PDE4B: variants seen among roughly 807,000 people sequenced by gnomAD.
PDE4B encodes 3',5'-cyclic-AMP phosphodiesterase 4B.
PDE4B carries 20 observed loss-of-function variants against 82.2 expected under a neutral mutation model. The observed-to-expected ratio is 0.24, with a 90% CI of 0.17 to 0.35. The LOEUF (loss-of-function observed/expected upper bound fraction) is 0.35, where lower values mean the gene tolerates loss of function less well. PDE4B is among the 10% of genes least tolerant of loss of function. The probability of loss-of-function intolerance (pLI) is 1.00; values close to 1 mark genes in which losing one functional copy is unlikely to be tolerated. For missense variants in PDE4B, 655 were observed against 907.2 expected, an observed-to-expected ratio of 0.72 and a Z score of 3.57; for synonymous variants, 320 against 318.9, an observed-to-expected ratio of 1.00 and a Z score of -0.04.
At chr1:66,107,620 A>G (rs1262176298) in intron 3 of PDE4B, among the ~76,000 whole-genome samples, 1 of 152,030 alleles carries the variant, frequency 6.6e-6, no homozygotes, top group African/African-American at 2.4e-5. Context: ...CAGAAATAAC[A>G]TATTGTTATG....
chr1:66,068,279 G>C (rs569053178), intron 3 of PDE4B, among the ~76,000 whole-genome samples: 1 of 151,986 alleles, frequency 6.6e-6, no homozygotes, highest in Admixed American at 6.6e-5. Flanking sequence ...CAGGGATACA[G>C]AGAAAGAGTC....
intron 7 of PDE4B, among the ~76,000 whole-genome samples, chr1:66,276,435 T>C (rs918933862): frequency 6.6e-6 from 1 of 152,206 alleles, no homozygotes; most frequent in Non-Finnish European, 1.5e-5. Flanking sequence ...CATCCCACTG[T>C]AAACCTCAGA....
In PDE4B at chr1:65,923,790, T is replaced by C. The variant is rs150827909; in HGVS notation, c.281+4955T>C. On this transcript the variant is annotated intron_variant, in intron 3 of 16. Coordinates refer to ENST00000341517, the MANE Select transcript of PDE4B (RefSeq NM_002600.4). ...TCTCTGGATTTGGGCAGTTGAACTTTGATGTGCCTAAGGATGGATTTCCTT... is the reference window on the plus strand; with the variant it reads ...TCTCTGGATTTGGGCAGTTGAACTTCGATGTGCCTAAGGATGGATTTCCTT... Among the ~76,000 whole-genome samples, 576 of 152,288 alleles carry C rather than the reference T, an allele frequency of 3.8e-3. 23 individuals are homozygous for C. Among genetic ancestry groups the C allele is most frequent in the Non-Finnish European group, 3.5e-4 (24 of 68,020 alleles).
At chr1:66,326,243 G>A (rs184484184) in intron 7 of PDE4B, among the ~76,000 whole-genome samples, 76 of 152,282 alleles carry the variant, frequency 5.0e-4, no homozygotes, top group Admixed American at 1.6e-3. Flanking sequence ...TGGACAACCA[G>A]AAAGACAGCA....
chr1:65,848,192 G>A (rs1646288301), intron 1 of PDE4B, among the ~76,000 whole-genome samples: 1 of 151,292 alleles, frequency 6.6e-6, no homozygotes, highest in South Asian at 2.1e-4. Context: ...AGGATGATGT[G>A]CAGTGGCGTG....
chr1:65,942,790 T>C (rs551629604), intron 3 of PDE4B, among the ~76,000 whole-genome samples: 4 of 152,200 alleles, frequency 2.6e-5, no homozygotes, highest in Non-Finnish European at 5.9e-5. Flanking sequence ...TGTTGAACGT[T>C]TTTTCATATA....
At chr1:66,241,385 C>A (rs1281954990) in intron 3 of PDE4B, among the ~76,000 whole-genome samples, 1 of 152,122 alleles carries the variant, frequency 6.6e-6, no homozygotes, top group Admixed American at 6.5e-5. Flanking sequence ...ACTTCTCTGT[C>A]TATAGGGATC....
intron 3 of PDE4B, among the ~76,000 whole-genome samples, chr1:65,997,183 C>A (rs1202340956): frequency 7.7e-6 from 1 of 129,146 alleles, no homozygotes; most frequent in African/African-American, 2.9e-5. Flanking sequence ...CATTGCTGCT[C>A]CTTTTTGGAG....
At chr1:66,087,374 A>T (rs1204359174) in intron 3 of PDE4B, among the ~76,000 whole-genome samples, 3 of 152,006 alleles carry the variant, frequency 2.0e-5, no homozygotes, top group Non-Finnish European at 4.4e-5. Context: ...GTTTGAGTTC[A>T]TTGTAGATTC....
chr1:65,867,141 A>G (rs963916275), intron 1 of PDE4B, among the ~76,000 whole-genome samples: 1 of 152,194 alleles, frequency 6.6e-6, no homozygotes, highest in African/African-American at 2.4e-5. Context: ...ACATTATAGT[A>G]TTCTCTTTAG....
chr1:66,241,058 C>G (rs72924449), intron 3 of PDE4B, among the ~76,000 whole-genome samples: 2,645 of 152,292 alleles, frequency 0.017, 73 homozygotes, highest in African/African-American at 0.06. Flanking sequence ...TTCAAAGGCC[C>G]TGGAAGAAGA....
chr1:66,316,216 C>T (rs1659018255), intron 7 of PDE4B, among the ~76,000 whole-genome samples: 1 of 152,196 alleles, frequency 6.6e-6, no homozygotes, highest in Admixed American at 6.5e-5. Context: ...TATGTTTCTG[C>T]AACGAACTTT....
At chr1:65,957,038 T>C (rs2100586364) in intron 3 of PDE4B, among the ~76,000 whole-genome samples, 1 of 152,266 alleles carries the variant, frequency 6.6e-6, no homozygotes, top group African/African-American at 2.4e-5. Flanking sequence ...TTTTATTTTC[T>C]GTGACATCTC....
intron 3 of PDE4B, among the ~76,000 whole-genome samples, chr1:66,110,595 A>C (rs992835083): frequency 1.3e-5 from 2 of 152,082 alleles, no homozygotes; most frequent in African/African-American, 4.8e-5. Flanking sequence ...ATAGATTCTG[A>C]AATTTAACCA....
intron 3 of PDE4B, among the ~76,000 whole-genome samples, chr1:65,942,821 C>G (rs1481762710): frequency 6.6e-6 from 1 of 151,814 alleles, no homozygotes; most frequent in Admixed American, 6.6e-5. Context: ...ATTTGTGTTT[C>G]TTCTTTTGAG....
intron 3 of PDE4B, among the ~76,000 whole-genome samples, chr1:66,025,637 G>A (rs1424150623): frequency 6.6e-6 from 1 of 152,148 alleles, no homozygotes; most frequent in Non-Finnish European, 1.5e-5. Context: ...CCAGACTAAT[G>A]TTTCCATGTG....
intron 1 of PDE4B, among the ~76,000 whole-genome samples, chr1:65,826,712 A>G (rs903771774): frequency 6.6e-6 from 1 of 152,146 alleles, no homozygotes; most frequent in African/African-American, 2.4e-5. Flanking sequence ...AGGAAAAATA[A>G]AAATGTTCTA....
intron 3 of PDE4B, among the ~76,000 whole-genome samples, chr1:65,974,645 T>G (rs1169762208): frequency 6.6e-6 from 1 of 152,148 alleles, no homozygotes; most frequent in Non-Finnish European, 1.5e-5. Context: ...GGTGAATGAA[T>G]CATGGGGGTG....
chr1:66,086,660 C>A (rs1265336292), intron 3 of PDE4B, among the ~76,000 whole-genome samples: 3 of 152,116 alleles, frequency 2.0e-5, no homozygotes, highest in African/African-American at 7.2e-5. Context: ...TTTGTTTCTG[C>A]GAACCTTAAC....
Sources: allele counts gnomAD v4.1 joint callset (sites outside exome capture counted in the v4.1 genomes callset), GRCh38; gene constraint gnomAD v4.1.1; transcripts MANE v1.5; gene names NCBI Gene and HGNC (gene_info 2026-07-23, HGNC 2026-07-21).